Variants in EFR3B observed in about 807,000 individuals in gnomAD.
EFR3B encodes EFR3 homolog B, also known as protein EFR3 homolog B.
EFR3B carries 64 observed loss-of-function variants against 104.7 expected under a neutral mutation model. The observed-to-expected ratio is 0.61, with a 90% CI of 0.50 to 0.75. The LOEUF is 0.75. Ranked by LOEUF, EFR3B falls within the 30% of genes least tolerant of loss-of-function variation. The pLI is 0.00. For synonymous variants in EFR3B, 385 were observed against 417.9 expected, an observed-to-expected ratio of 0.92 and a Z score of 0.96; for missense variants, 750 against 1,078.5, an observed-to-expected ratio of 0.70 and a Z score of 4.27.
At chr2:25,061,047 T>C (rs1220922355) in intron 1 of EFR3B, among the ~76,000 whole-genome samples, 1 of 152,092 alleles carries the variant, frequency 6.6e-6, no homozygotes, top group Non-Finnish European at 1.5e-5. Flanking sequence ...GCCAGACATA[T>C]TCCACAGAAG....
chr2:25,083,061 A>G (rs560330526), intron 1 of EFR3B, among the ~76,000 whole-genome samples: 1 of 152,318 alleles, frequency 6.6e-6, no homozygotes, highest in South Asian at 2.1e-4. Flanking sequence ...GTGTCATTGA[A>G]CATTTGGTTT....
rs1428906506 is a variant in EFR3B at position 25,135,452 on chromosome 2, A to C, written c.1312-15A>C. On this transcript the variant is annotated splice_polypyrimidine_tract_variant and intron_variant, in intron 12 of 22. Transcript: ENST00000403714. ...ACAGCATTCCTAGGCATAGCTGTCC[A>C]TACCTCCCTTGCAGGTATCCACAGG... 3 of 1,551,418 alleles carry C rather than the reference A, an allele frequency of 1.9e-6. No homozygotes were observed. The Admixed American group carries it at 5.9e-5, about 30-fold the overall frequency.
At chr2:25,115,739 G>A (rs1199104336) in intron 4 of EFR3B, among the ~76,000 whole-genome samples, 1 of 152,200 alleles carries the variant, frequency 6.6e-6, no homozygotes, top group East Asian at 1.9e-4. Context: ...ACACACAGAG[G>A]AGAAGATGAT....
At chr2:25,096,893 C>T (rs565280009) in intron 3 of EFR3B, among the ~76,000 whole-genome samples, 2 of 152,210 alleles carry the variant, frequency 1.3e-5, no homozygotes, top group East Asian at 3.9e-4. Context: ...AGGATCCAAA[C>T]CAATATGTTT....
chr2:25,094,554 GC>G (rs1201937251), intron 3 of EFR3B, among the ~76,000 whole-genome samples: 1 of 152,044 alleles, frequency 6.6e-6, no homozygotes, highest in African/African-American at 2.4e-5. Flanking sequence ...ATACTAAGAT[GC>G]TAACTTATTA....
intron 1 of EFR3B, among the ~76,000 whole-genome samples, chr2:25,072,504 A>G (rs1668526094): frequency 6.7e-6 from 1 of 149,402 alleles, no homozygotes; most frequent in Non-Finnish European, 1.5e-5. Flanking sequence ...CTGGTCTTGA[A>G]CTCCTGGGCC....
At chr2:25,138,352 C>A (rs1351760084) in intron 15 of EFR3B, among the ~76,000 whole-genome samples, 1 of 152,162 alleles carries the variant, frequency 6.6e-6, no homozygotes, top group Non-Finnish European at 1.5e-5. Context: ...CAGTGTGGCA[C>A]CGGACAGGGC....
At chr2:25,107,845 A>ATTTTAT (rs1341427896) in intron 4 of EFR3B, among the ~76,000 whole-genome samples, 1 of 141,364 alleles carries the variant, frequency 7.1e-6, no homozygotes, top group Non-Finnish European at 1.6e-5. Context: ...TTCATTTTTT[A>ATTTTAT]TTTTATTTTT....
At chr2:25,141,542 G>T in intron 17 of EFR3B, 109 bp downstream of exon 17, 1 of 1,184,092 alleles carries the variant, frequency 8.4e-7, no homozygotes, top group Non-Finnish European at 1.2e-6. Flanking sequence ...GACTTCTGTG[G>T]ACTCAAGGGC....
intron 1 of EFR3B, chr2:25,081,066 G>A (rs1041880756): frequency 1.1e-4 from 84 of 731,076 alleles, no homozygotes; most frequent in South Asian, 1.1e-3. Context: ...TATTAATATA[G>A]GACCTTGAAA....
At chr2:25,143,641 C>A in intron 17 of EFR3B, 94 bp from the exon 18 acceptor site, 1 of 1,463,778 alleles carries the variant, frequency 6.8e-7, no homozygotes, top group Non-Finnish European at 9.2e-7. Flanking sequence ...GCCTGGGCGA[C>A]AAGAGCAAAA....
chr2:25,133,994 T>G (rs1670452018), intron 12 of EFR3B, among the ~76,000 whole-genome samples: 2 of 152,112 alleles, frequency 1.3e-5, no homozygotes, highest in South Asian at 4.1e-4. Flanking sequence ...TTAGCCTGAG[T>G]GAGGTCCTGG....
intron 2 of EFR3B, among the ~76,000 whole-genome samples, chr2:25,092,333 G>A (rs1484793814): frequency 6.6e-6 from 1 of 151,718 alleles, no homozygotes; most frequent in Non-Finnish European, 1.5e-5. Flanking sequence ...CTCCCAAAGT[G>A]CTGGGATTAC....
At chr2:25,133,870 T>G (rs538899367) in intron 12 of EFR3B, among the ~76,000 whole-genome samples, 2 of 152,338 alleles carry the variant, frequency 1.3e-5, no homozygotes, top group East Asian at 3.9e-4. Flanking sequence ...GTGTTTTATT[T>G]AACTCTTCTT....
chr2:25,095,504 T>C (rs1669251120), intron 3 of EFR3B, among the ~76,000 whole-genome samples: 1 of 152,140 alleles, frequency 6.6e-6, no homozygotes, highest in African/African-American at 2.4e-5. Flanking sequence ...AAGACCAGCC[T>C]GGTCAACATG....
In EFR3B at chr2:25,042,147, C is replaced by G. The variant is rs1467589045; in HGVS notation, c.-166C>G. On this transcript the variant is annotated 5_prime_UTR_variant, in exon 1 of 23. Transcript: ENST00000403714. The surrounding 1 kb of genome is among the most constrained non-coding windows in gnomAD (Gnocchi z 5.4). ...CTGAATGGGCTGGCGGCGCCCGGCT[C>G]CGTCCTGCCCGCGGCCGGCCCCCGC... 5 of 581,694 alleles carry G rather than the reference C, an allele frequency of 8.6e-6. No individual in the cohort carries two copies. Among genetic ancestry groups the G allele is most frequent in the Non-Finnish European group, 1.2e-5 (5 of 409,904 alleles). The allele number at this position is 581,694 out of a possible 1,614,324, so 36.0% of individuals were successfully genotyped here. A position where few individuals can be genotyped will look rare whatever the true frequency, so the allele number is the denominator to read the frequency against.
rs1670549948 is a variant in EFR3B at position 25,137,493 on chromosome 2, G to A, written c.1713G>A (p.Leu571=). ...TGGTGGACCTCATCCGTCTGGTGCT[G>A]GCTGTTCAGGTGGGGCCTGGTGTGC... ...EVVVDLIRLV[L]AVQDVAQVNE... The change falls in exon 15 of 23, where the codon CTG becomes CTA. Residue 571 remains leucine (L), a synonymous_variant. Coordinates refer to ENST00000403714, the MANE Select transcript of EFR3B (RefSeq NM_014971.2). This position sits in a 1 kb window ranked among gnomAD's most constrained non-coding sequence, Gnocchi z 4.7. 1 of 1,551,736 alleles carries A rather than the reference G, an allele frequency of 6.4e-7. No individual in the cohort carries two copies. Among genetic ancestry groups the A allele is most frequent in the Non-Finnish European group, 8.7e-7 (1 of 1,146,994 alleles).
At chr2:25,099,970 AGGTGGGTG>A (rs1415021090) in intron 3 of EFR3B, among the ~76,000 whole-genome samples, 1 of 152,048 alleles carries the variant, frequency 6.6e-6, no homozygotes, top group Non-Finnish European at 1.5e-5. Flanking sequence ...TGGGAGGCCG[AGGTGGGTG>A]GGTCACCTGA....
intron 4 of EFR3B, among the ~76,000 whole-genome samples, chr2:25,112,437 CTG>C (rs1669747589): frequency 6.6e-6 from 1 of 152,176 alleles, no homozygotes; most frequent in East Asian, 1.9e-4. Context: ...GAAGGGGGGA[CTG>C]TGTAATGTGG....
Sources: gnomAD v4.1 joint callset for allele counts (sites outside exome capture counted in the v4.1 genomes callset) on GRCh38, gnomAD v4.1.1 for gene constraint, Gnocchi (gnomAD v3.1) non-coding constraint, MANE v1.5 for transcripts, NCBI Gene and HGNC (gene_info 2026-07-23, HGNC 2026-07-21) for gene names.